Variants in CCDC148 observed in about 807,000 individuals in gnomAD.
CCDC148 encodes the protein coiled-coil domain containing 148, also known as coiled-coil domain-containing protein 148.
Under a neutral mutation model 85.7 loss-of-function variants are expected in CCDC148, and 89 were observed. That is an observed-to-expected ratio of 1.04 (90% CI 0.87 to 1.24). The LOEUF (loss-of-function observed/expected upper bound fraction) is 1.24. Ranked by LOEUF, CCDC148 falls within the 50% of genes most tolerant of loss-of-function variation. CCDC148 has a pLI of 0.00. For missense variants in CCDC148, 692 were observed against 671.7 expected (o/e 1.03, Z -0.33); for synonymous variants, 230 against 213.9 (o/e 1.08, Z -0.66).
Position 158,456,409 on chromosome 2 carries a change from A to C in CCDC148, c.25+6T>G. The C allele has an allele frequency of 6.2e-7, 1 of 1,611,588 alleles. No individual in the cohort carries two copies. The highest frequency in any genetic ancestry group is 8.5e-7 in the Non-Finnish European group (1 of 1,179,020). ...CAGCGATGGAAGGGATGGGGTGCAA[A>C]CTCACCTGGAGAAGCAGAAGCTGCA... On this transcript the variant is annotated splice_donor_region_variant and intron_variant, in intron 1 of 13. Transcript: ENST00000283233.
chr2:158,254,335 T>C (rs952262641), intron 9 of CCDC148, among the ~76,000 whole-genome samples: 4 of 151,680 alleles, frequency 2.6e-5, no homozygotes, highest in Non-Finnish European at 4.4e-5. Flanking sequence ...GTTAGAGATA[T>C]ACACTTTAAT....
chr2:158,184,289 A>G (rs1384158580), intron 11 of CCDC148, among the ~76,000 whole-genome samples: 2 of 152,140 alleles, frequency 1.3e-5, no homozygotes, highest in Non-Finnish European at 2.9e-5. Flanking sequence ...TTCAGCTCAG[A>G]GAGCTTCCTG....
At chr2:158,320,239 ATAAGTAATCAC>A (rs1362997004) in intron 7 of CCDC148, among the ~76,000 whole-genome samples, 6 of 152,286 alleles carry the variant, frequency 3.9e-5, no homozygotes, top group Admixed American at 1.3e-4. Context: ...CAAACCAACC[ATAAGTAATCAC>A]TAAGAAATTA....
intron 7 of CCDC148, among the ~76,000 whole-genome samples, chr2:158,327,883 T>A (rs950128394): frequency 6.6e-6 from 1 of 152,140 alleles, no homozygotes; most frequent in Admixed American, 6.5e-5. Flanking sequence ...TCCCAAATAT[T>A]CTATATTTAG....
intron 1 of CCDC148, among the ~76,000 whole-genome samples, chr2:158,443,515 A>AAAAAAAAAAAAAAAGAAAAG (rs1553524474): frequency 1.3e-3 from 130 of 100,870 alleles, no homozygotes; most frequent in Non-Finnish European, 2.1e-3. Flanking sequence ...AAAAAAAAAA[A>AAAAAAAAAAAAAAAGAAAAG]AAAAAAAAGA....
rs1227960606 is a variant in CCDC148, at chr2:158,208,598, T to A, written c.1370+11997A>T. Among the ~76,000 whole-genome samples, 3 of 152,144 alleles carry A rather than the reference T, an allele frequency of 2.0e-5. No homozygotes were observed. The East Asian group carries it at 5.8e-4, about 29-fold the overall frequency. On this transcript the variant is annotated intron_variant, in intron 11 of 13. Transcript: ENST00000283233. The stretch of plus-strand genomic sequence containing the variant: ...CAGTGTTGCCAGCAGAGATGCCCAA[T>A]GTCATGAGACCACAGGGGAGGAGGC...
At chr2:158,397,460 T>G (rs939643000) in intron 1 of CCDC148, among the ~76,000 whole-genome samples, 1 of 151,886 alleles carries the variant, frequency 6.6e-6, no homozygotes, top group African/African-American at 2.4e-5. Context: ...CAGAAGAGAG[T>G]GGGGGCCAAT....
intron 1 of CCDC148, among the ~76,000 whole-genome samples, chr2:158,439,030 A>G (rs1687806224): frequency 6.6e-6 from 1 of 152,204 alleles, no homozygotes; most frequent in African/African-American, 2.4e-5. Context: ...TGTTGGTGGG[A>G]CTGTAAACTA....
intron 7 of CCDC148, among the ~76,000 whole-genome samples, chr2:158,328,686 A>G (rs1692924641): frequency 6.6e-6 from 1 of 152,042 alleles, no homozygotes; most frequent in African/African-American, 2.4e-5. Flanking sequence ...TTGTTTCCTC[A>G]CTTTTTAATG....
At chr2:158,433,085 A>AT (rs1553521565) in intron 1 of CCDC148, among the ~76,000 whole-genome samples, 12 of 46,596 alleles carry the variant, frequency 2.6e-4, no homozygotes, top group South Asian at 1.4e-3. Context: ...AAAAAAAAAA[A>AT]AAAAAAATAT....
At chr2:158,425,314 C>T in intron 1 of CCDC148, 1 of 528,218 alleles carries the variant, frequency 1.9e-6, no homozygotes, top group South Asian at 1.4e-5. Context: ...TAAAGGAGGA[C>T]ATTGGAGAAA....
At chr2:158,226,333 A>G (rs1687521632) in intron 10 of CCDC148, among the ~76,000 whole-genome samples, 2 of 152,196 alleles carry the variant, frequency 1.3e-5, no homozygotes, top group Admixed American at 6.5e-5. Context: ...AACCAAAAAA[A>G]GTCCAGGACC....
chr2:158,415,869 C>T (rs188501215), intron 1 of CCDC148, among the ~76,000 whole-genome samples: 82 of 152,296 alleles, frequency 5.4e-4, no homozygotes, highest in Admixed American at 3.9e-3. Flanking sequence ...CTATGCAGTG[C>T]CCTAGTGGGG....
At chr2:158,421,749 G>T (rs573350595) in intron 1 of CCDC148, among the ~76,000 whole-genome samples, 8 of 151,922 alleles carry the variant, frequency 5.3e-5, no homozygotes, top group East Asian at 1.9e-4. Flanking sequence ...AGAGCAGAAC[G>T]TAAGGAGATA....
intron 7 of CCDC148, among the ~76,000 whole-genome samples, chr2:158,333,383 T>C (rs990737856): frequency 1.3e-5 from 2 of 152,138 alleles, no homozygotes; most frequent in African/African-American, 4.8e-5. Flanking sequence ...TCTGAGAGAC[T>C]GTTTGTTATG....
In CCDC148 at chr2:158,201,782, T is replaced by A. The variant is rs182843244; in HGVS notation, c.1370+18813A>T. 2.0e-3 allele frequency among the ~76,000 whole-genome samples: 306 copies of A among 152,142 alleles called. 1 individual carries two copies. The highest frequency in any genetic ancestry group is 2.5e-3 in the Non-Finnish European group (172 of 68,010). ...GTTATATTATCTTACTTGGGAGGGGTTAAAAAAACATTATTATGACAATTG... is the reference window on the plus strand; with the variant it reads ...GTTATATTATCTTACTTGGGAGGGGATAAAAAAACATTATTATGACAATTG... On this transcript the variant is annotated intron_variant, in intron 11 of 13. Transcript: ENST00000283233.
At chr2:158,287,031 G>A (rs1690659975) in intron 9 of CCDC148, among the ~76,000 whole-genome samples, 1 of 152,158 alleles carries the variant, frequency 6.6e-6, no homozygotes, top group Admixed American at 6.5e-5. Context: ...GGAGGTAAAA[G>A]GCACTTCTTA....
At chr2:158,410,421 C>T (rs2193700) in intron 1 of CCDC148, among the ~76,000 whole-genome samples, 120,449 of 152,008 alleles carry the variant, frequency 0.79, 48,889 homozygotes, top group South Asian at 0.91. Context: ...TTTGCACTTG[C>T]CTCTCTACCT....
Position 158,220,625 on chromosome 2 carries a change from A to T in CCDC148, c.1340T>A (p.Ile447Asn). Reference protein sequence around the residue: ...LQRLEELKKLIAEQSLKDRER... With the variant: ...LQRLEELKKLNAEQSLKDRER... ...TCTGTCTTTTAGTGACTGTTCAGCG[A>T]TTAATTTCTTCAGTTCTTCTAGACG... The change falls in exon 11 of 14, where the codon ATC becomes AAC. Residue 447 changes from isoleucine (I) to asparagine (N), a missense_variant. Transcript: ENST00000283233. The T allele has an allele frequency of 6.2e-7, 1 of 1,604,830 alleles. No individual in the cohort carries two copies. The highest frequency in any genetic ancestry group is 1.3e-5 in the African/African-American group (1 of 74,460).
Sources: allele counts gnomAD v4.1 joint callset (sites outside exome capture counted in the v4.1 genomes callset), GRCh38; gene constraint gnomAD v4.1.1; transcripts MANE v1.5; gene names NCBI Gene and HGNC (gene_info 2026-07-23, HGNC 2026-07-21).